The following CTNNA3 variants were observed in gnomAD, a reference collection of about 807,000 sequenced individuals.
The protein encoded by CTNNA3 is catenin alpha-3.
In CTNNA3, 76 loss-of-function variants were observed where a neutral mutation model predicts 95.7. That is an observed-to-expected ratio of 0.79 (90% CI 0.66 to 0.96). The LOEUF is 0.96. CTNNA3 is among the 40% of genes least tolerant of loss of function. The pLI, the probability that CTNNA3 is intolerant of heterozygous loss-of-function variation, is 0.00. For synonymous variants in CTNNA3, 431 were observed against 374.4 expected, an observed-to-expected ratio of 1.15 and a Z score of -1.74; for missense variants, 1,191 against 1,089.8, an observed-to-expected ratio of 1.09 and a Z score of -1.31.
At chr10:67,035,797 TAA>T (rs5785812) in intron 7 of CTNNA3, among the ~76,000 whole-genome samples, 3 of 151,922 alleles carry the variant, frequency 2.0e-5, no homozygotes, top group African/African-American at 7.3e-5. Context: ...ACATTTGCTT[TAA>T]AAAAAAATCC....
chr10:65,988,821 A>C (rs1272174758), intron 15 of CTNNA3, 24 bp from the exon 16 acceptor site: 8 of 1,545,178 alleles, frequency 5.2e-6, no homozygotes, highest in Non-Finnish European at 6.2e-6. Flanking sequence ...TATATATGTT[A>C]GCTGTGGTGT....
At chr10:67,180,233 T>C (rs990529748) in intron 7 of CTNNA3, 84 bp downstream of exon 7, 1 of 1,152,546 alleles carries the variant, frequency 8.7e-7, no homozygotes. Context: ...ATTTACCCTA[T>C]TTTGTATACG....
chr10:66,207,949 T>C (rs1564766021), intron 13 of CTNNA3, among the ~76,000 whole-genome samples: 1 of 152,044 alleles, frequency 6.6e-6, no homozygotes, highest in African/African-American at 2.4e-5. Flanking sequence ...TACAAACTAG[T>C]CCACCATGAT....
chr10:66,028,872 T>C (rs2133450192), intron 15 of CTNNA3, among the ~76,000 whole-genome samples: 1 of 152,122 alleles, frequency 6.6e-6, no homozygotes, highest in Admixed American at 6.6e-5. Context: ...ATGAAGACAG[T>C]GTATCCATAA....
At chr10:67,586,439 GTCTC>G (rs559156866) in intron 3 of CTNNA3, among the ~76,000 whole-genome samples, 2 of 152,134 alleles carry the variant, frequency 1.3e-5, no homozygotes, top group South Asian at 4.1e-4. Flanking sequence ...CCATATTGCT[GTCTC>G]TCTCTCTTTA....
At chr10:66,498,895 G>A (rs768275671) in intron 11 of CTNNA3, among the ~76,000 whole-genome samples, 42 of 152,258 alleles carry the variant, frequency 2.8e-4, no homozygotes, top group Non-Finnish European at 4.9e-4. Context: ...CATAAACAGA[G>A]TAAATTTTGC....
intron 7 of CTNNA3, among the ~76,000 whole-genome samples, chr10:66,933,651 C>T (rs575692836): frequency 2.0e-5 from 3 of 152,214 alleles, no homozygotes; most frequent in East Asian, 3.9e-4. Flanking sequence ...AGACTGTGCC[C>T]AAGATCTCCT....
chr10:67,392,362 T>C (rs1185529302), intron 5 of CTNNA3, among the ~76,000 whole-genome samples: 2 of 152,146 alleles, frequency 1.3e-5, no homozygotes. Context: ...TGAGATACCA[T>C]CTCACACCAG....
At chr10:67,687,473 C>T (rs931032748) in intron 1 of CTNNA3, among the ~76,000 whole-genome samples, 44 of 152,290 alleles carry the variant, frequency 2.9e-4, no homozygotes, top group African/African-American at 1.0e-3. Flanking sequence ...TTTCTGTCCT[C>T]TCTGAACCAC....
rs374874594 is a variant in CTNNA3 at position 66,241,647 on chromosome 10, C to A, written c.1884+38823G>T. On this transcript the variant is annotated intron_variant, in intron 13 of 17. Coordinates refer to ENST00000433211, the MANE Select transcript of CTNNA3 (RefSeq NM_013266.4). ...AACATCCCCCCACCCCCAGCCCCCC[C>A]ACCTCCTCACGTGAGCTACTTAACT... is the stretch of plus-strand genomic sequence containing the variant. 1.0e-4 allele frequency among the ~76,000 whole-genome samples: 15 copies of A among 150,454 alleles called. No homozygotes were observed. The East Asian group carries it at 1.4e-3, about 14-fold the overall frequency.
At chr10:66,817,582 C>T (rs1334835621) in intron 7 of CTNNA3, among the ~76,000 whole-genome samples, 1 of 151,806 alleles carries the variant, frequency 6.6e-6, no homozygotes, top group Non-Finnish European at 1.5e-5. Context: ...ACAGACAATT[C>T]CTAGAAACTA....
intron 15 of CTNNA3, among the ~76,000 whole-genome samples, chr10:66,007,771 T>TCCCA (rs57615914): frequency 1.3e-3 from 114 of 85,122 alleles, no homozygotes; most frequent in East Asian, 1.7e-3. Context: ...CCTCCCTCTC[T>TCCCA]TCCTTCCTTT....
intron 5 of CTNNA3, among the ~76,000 whole-genome samples, chr10:67,395,924 G>T (rs553094344): frequency 2.6e-5 from 4 of 152,164 alleles, no homozygotes; most frequent in African/African-American, 9.6e-5. Flanking sequence ...CCATTTCAGA[G>T]CTCTTTCCAA....
intron 5 of CTNNA3, among the ~76,000 whole-genome samples, chr10:67,333,966 G>A (rs1001906185): frequency 2.0e-5 from 3 of 152,320 alleles, no homozygotes; most frequent in Non-Finnish European, 2.9e-5. Flanking sequence ...TGAGGAAATA[G>A]CTGTACATAT....
In CTNNA3 at chr10:67,656,213, G is replaced by A. The variant is rs546544286; in HGVS notation, c.-5-8695C>T. 4.2e-4 allele frequency among the ~76,000 whole-genome samples: 64 copies of A among 152,284 alleles called. 2 individuals carry two copies. In the South Asian group the frequency reaches 0.013, roughly 32 times the overall value. ...CTCTTGGTAAACAAAAGGATCTGAG[G>A]TTTGTCAGATCAATAAAATCAAGAA... On this transcript the variant is annotated intron_variant, in intron 1 of 17. Transcript: ENST00000433211.
chr10:67,559,296 CAGA>C (rs1375635784), intron 3 of CTNNA3, among the ~76,000 whole-genome samples: 1 of 152,190 alleles, frequency 6.6e-6, no homozygotes, highest in East Asian at 1.9e-4. Flanking sequence ...ACAAAACTTC[CAGA>C]AGAATGATCA....
rs2077024217 is a variant in CTNNA3 at position 65,917,707 on chromosome 10, C to T, written c.*2623G>A. On this transcript the variant is annotated 3_prime_UTR_variant, in exon 18 of 18. Coordinates refer to ENST00000433211, the MANE Select transcript of CTNNA3 (RefSeq NM_013266.4). The stretch of plus-strand genomic sequence containing the variant: ...CTCTGTGATGAGACATCAAAAGGTA[C>T]ATAGGTGGATCACCAAATTATCACT... The T allele has an allele frequency of 6.6e-6, 1 of 152,296 alleles. No homozygotes were observed. The highest frequency in any genetic ancestry group is 2.4e-5 in the African/African-American group (1 of 41,564). 9.4% of individuals were successfully genotyped at this position (152,296 alleles called of 1,614,324 possible).
At chr10:66,354,834 A>G (rs546482859) in intron 12 of CTNNA3, among the ~76,000 whole-genome samples, 1 of 152,198 alleles carries the variant, frequency 6.6e-6, no homozygotes, top group East Asian at 1.9e-4. Flanking sequence ...CACCCAGCAT[A>G]GTGCCTGATG....
chr10:66,668,335 C>G (rs1222225124), intron 9 of CTNNA3, among the ~76,000 whole-genome samples: 6 of 151,564 alleles, frequency 4.0e-5, no homozygotes, highest in African/African-American at 7.3e-5. Context: ...GAATGAGGAG[C>G]CTGTTTCCAT....
Sources: allele counts gnomAD v4.1 joint callset (sites outside exome capture counted in the v4.1 genomes callset), GRCh38; gene constraint gnomAD v4.1.1; transcripts MANE v1.5; gene names NCBI Gene and HGNC (gene_info 2026-07-23, HGNC 2026-07-21).